TRPS1: variants seen among roughly 807,000 people sequenced by gnomAD.
TRPS1 encodes the protein transcriptional repressor GATA binding 1, also known as zinc finger transcription factor Trps1.
Under a neutral mutation model 101.2 loss-of-function variants are expected in TRPS1, and 6 were observed. The ratio of observed to expected loss-of-function variants is 0.06; its 90% confidence interval spans 0.03 to 0.12. TRPS1 has a LOEUF of 0.12. Among genes scored for constraint, TRPS1 ranks in the 10% least tolerant of loss-of-function variants. The pLI is 1.00. For synonymous variants in TRPS1, 578 were observed against 589.8 expected (o/e 0.98, Z 0.29); for missense variants, 1,363 against 1,567.0 (o/e 0.87, Z 2.20).
rs1207523364 is a variant in TRPS1, at chr8:115,418,290, T to C, written c.2823+40A>G. 1.2e-6 allele frequency: 2 copies of C among 1,613,878 alleles called. No individual in the cohort carries two copies. The highest frequency in any genetic ancestry group is 2.2e-5 in the South Asian group (2 of 91,090). ...ACACCACAGACCAGGCCAACACTGC[T>C]TTATAAAGCTTTTCCTGAAAGAGTG... On this transcript the variant is annotated intron_variant, in intron 6 of 6. Transcript: ENST00000395715. The surrounding 1 kb of genome is among the most constrained non-coding windows in gnomAD (Gnocchi z 4.3).
chr8:115,510,841 G>A (rs1586349022), intron 5 of TRPS1, among the ~76,000 whole-genome samples: 1 of 151,824 alleles, frequency 6.6e-6, no homozygotes, highest in South Asian at 2.1e-4. Flanking sequence ...TGAATGCCAA[G>A]GTTATCAGAA....
At chr8:115,585,707 A>C (rs1325152439) in intron 5 of TRPS1, among the ~76,000 whole-genome samples, 1 of 152,132 alleles carries the variant, frequency 6.6e-6, no homozygotes, top group Non-Finnish European at 1.5e-5. Context: ...AGGGCACAGA[A>C]ACTGTTTCTC....
intron 5 of TRPS1, among the ~76,000 whole-genome samples, chr8:115,516,190 G>GT (rs5894268): frequency 1 from 151,351 of 151,354 alleles, 75,674 homozygotes; most frequent in Middle Eastern, 1. Context: ...ATCACCGTAG[G>GT]TTTTAAAAGA....
At chr8:115,649,731 G>C (rs537183382) in intron 1 of TRPS1, among the ~76,000 whole-genome samples, 1 of 152,158 alleles carries the variant, frequency 6.6e-6, no homozygotes, top group South Asian at 2.1e-4. Context: ...TATGCAAACC[G>C]TGTCCAGCCT....
chr8:115,458,619 T>A (rs1177904763), intron 5 of TRPS1, among the ~76,000 whole-genome samples: 1 of 152,198 alleles, frequency 6.6e-6, no homozygotes, highest in Admixed American at 6.5e-5. Context: ...ATCAAGCAGA[T>A]GTGACTGAGA....
chr8:115,539,134 A>T (rs969303454), intron 5 of TRPS1, among the ~76,000 whole-genome samples: 1 of 152,180 alleles, frequency 6.6e-6, no homozygotes, highest in Non-Finnish European at 1.5e-5. Context: ...AGGGCCTATA[A>T]TGGCTCAGAT....
intron 1 of TRPS1, among the ~76,000 whole-genome samples, chr8:115,665,233 C>G (rs114147803): frequency 6.6e-6 from 1 of 152,118 alleles, no homozygotes. Context: ...TGGAAACTTT[C>G]AGTAATGTTT....
chr8:115,619,035 G>C, intron 3 of TRPS1, 97 bp downstream of exon 3: 3 of 1,329,078 alleles, frequency 2.3e-6, no homozygotes, highest in Admixed American at 1.9e-5. Flanking sequence ...CAGGCTACCT[G>C]TCTGGTACTG....
intron 5 of TRPS1, among the ~76,000 whole-genome samples, chr8:115,423,977 A>G (rs553461097): frequency 1.3e-5 from 2 of 152,338 alleles, no homozygotes; most frequent in East Asian, 3.9e-4. Flanking sequence ...ATTTGATTGA[A>G]TGATTTATTA....
chr8:115,563,115 C>T (rs569325800), intron 5 of TRPS1, among the ~76,000 whole-genome samples: 1 of 151,996 alleles, frequency 6.6e-6, no homozygotes, highest in East Asian at 1.9e-4. Context: ...TACCCACTAG[C>T]AATGACTGTA....
At chr8:115,554,058 G>A (rs1226925912) in intron 5 of TRPS1, among the ~76,000 whole-genome samples, 2 of 152,040 alleles carry the variant, frequency 1.3e-5, no homozygotes, top group African/African-American at 4.8e-5. Context: ...TAATTTTAAA[G>A]AAACTAAGAG....
intron 1 of TRPS1, among the ~76,000 whole-genome samples, chr8:115,650,923 C>T (rs186606810): frequency 1.3e-5 from 2 of 152,278 alleles, no homozygotes; most frequent in African/African-American, 4.8e-5. Context: ...CTAAATCACC[C>T]TTGCCCCCTC....
At chr8:115,543,066 G>A (rs1816490396) in intron 5 of TRPS1, among the ~76,000 whole-genome samples, 2 of 152,020 alleles carry the variant, frequency 1.3e-5, no homozygotes. Flanking sequence ...GAAGCAGGTT[G>A]GTGTCCTAAG....
chr8:115,515,262 T>C (rs1295364903), intron 5 of TRPS1: 4 of 697,946 alleles, frequency 5.7e-6, no homozygotes, highest in Non-Finnish European at 7.9e-6. Flanking sequence ...TCTTCGGGAG[T>C]CATCCAAGCA....
At chr8:115,417,081 T>C (rs996072500) in intron 6 of TRPS1, among the ~76,000 whole-genome samples, 1 of 152,112 alleles carries the variant, frequency 6.6e-6, no homozygotes, top group Non-Finnish European at 1.5e-5. Flanking sequence ...TTTTAGAAAA[T>C]AGTTTAGTTT....
intron 5 of TRPS1, among the ~76,000 whole-genome samples, chr8:115,495,864 C>A (rs1200198242): frequency 6.6e-6 from 1 of 152,094 alleles, no homozygotes; most frequent in Non-Finnish European, 1.5e-5. Flanking sequence ...TCTACACAAT[C>A]CAAATTTTTA....
intron 1 of TRPS1, among the ~76,000 whole-genome samples, chr8:115,630,069 A>G (rs1818605177): frequency 6.6e-6 from 1 of 152,000 alleles, no homozygotes; most frequent in Non-Finnish European, 1.5e-5. Context: ...GGTTAGGTAG[A>G]TGTCAAAGTA....
intron 5 of TRPS1, among the ~76,000 whole-genome samples, chr8:115,560,548 G>A (rs1261910867): frequency 1.3e-5 from 2 of 152,094 alleles, no homozygotes; most frequent in Non-Finnish European, 2.9e-5. Flanking sequence ...TAGCCACACT[G>A]TGAGAAAAGT....
chr8:115,594,861 C>T (rs1817752632), intron 4 of TRPS1, among the ~76,000 whole-genome samples: 1 of 151,820 alleles, frequency 6.6e-6, no homozygotes, highest in Admixed American at 6.6e-5. Context: ...TTATAATAAA[C>T]CAACCCTGCA....
Sources: gnomAD v4.1 joint callset for allele counts (sites outside exome capture counted in the v4.1 genomes callset) on GRCh38, gnomAD v4.1.1 for gene constraint, Gnocchi (gnomAD v3.1) non-coding constraint, MANE v1.5 for transcripts, NCBI Gene and HGNC (gene_info 2026-07-23, HGNC 2026-07-21) for gene names.